The following ZNF248 variants were observed in gnomAD, a reference collection of about 807,000 sequenced individuals.
The protein encoded by ZNF248 is KRAB protein domain.
Under a neutral mutation model 44.3 loss-of-function variants are expected in ZNF248, and 20 were observed. The ratio of observed to expected loss-of-function variants is 0.45; its 90% confidence interval spans 0.32 to 0.66. ZNF248 has a LOEUF of 0.66. ZNF248 is among the 30% of genes least tolerant of loss of function. The probability of loss-of-function intolerance (pLI) is 0.04; values close to 1 mark genes in which losing one functional copy is unlikely to be tolerated. For missense variants in ZNF248, 654 were observed against 677.0 expected, an observed-to-expected ratio of 0.97 and a Z score of 0.38; for synonymous variants, 224 against 229.0, an observed-to-expected ratio of 0.98 and a Z score of 0.20.
In ZNF248 at chr10:37,831,911, GCA is replaced by G. The variant is rs2055764391; in HGVS notation, c.1442_1443del (p.Val481AlafsTer14). 3 of 1,614,054 alleles carry G rather than the reference GCA, an allele frequency of 1.9e-6. No homozygotes were observed. The highest frequency in any genetic ancestry group is 2.5e-6 in the Non-Finnish European group (3 of 1,179,980). On this transcript the variant is annotated frameshift_variant, in exon 6 of 6. Coordinates refer to ENST00000395867, the MANE Select transcript of ZNF248 (RefSeq NM_021045.3). LOFTEE classifies it high-confidence loss of function. ...KSFCHRSALTVHQRTHTGEKP... is the reference protein window; with the variant it reads ...KSFCHRSALTXHQRTHTGEKP... ...TTCTCCCCTGTGTGTGTTCTCTGAT[GCA>G]CAGTGAGGGCTGATCTGTGGCAGAA...
At chr10:37,795,565 T>A (rs2085133354) in intron 6 of ZNF248, 1 of 152,128 alleles carries the variant, frequency 6.6e-6, no homozygotes, top group Admixed American at 6.6e-5. Context: ...ATTCATTAAA[T>A]CCTTAGTGTG....
chr10:37,827,057 T>C (rs1176191724), downstream of ZNF248, among the ~76,000 whole-genome samples: 1 of 152,222 alleles, frequency 6.6e-6, no homozygotes, highest in Non-Finnish European at 1.5e-5. Context: ...TAATGGCAGC[T>C]GGTGCAGACA....
chr10:37,801,448 G>C (rs1366757356), intron 6 of ZNF248, among the ~76,000 whole-genome samples: 2 of 151,634 alleles, frequency 1.3e-5, no homozygotes, highest in African/African-American at 4.8e-5. Flanking sequence ...AAAATCAACA[G>C]ATCAGCCTAG....
chr10:37,787,673 T>G (rs1335416422), intron 6 of ZNF248, among the ~76,000 whole-genome samples: 1 of 151,980 alleles, frequency 6.6e-6, no homozygotes, highest in Non-Finnish European at 1.5e-5. Flanking sequence ...AACTTAGACC[T>G]TTACCTCACA....
At chr10:37,838,335 T>C (rs1041143152) in intron 3 of ZNF248, among the ~76,000 whole-genome samples, 1 of 152,156 alleles carries the variant, frequency 6.6e-6, no homozygotes. Context: ...CAGACAAACA[T>C]GGTCCCTGTT....
At chr10:37,824,848 ATTTTTTTT>A (rs36011714), downstream of ZNF248, among the ~76,000 whole-genome samples, 1 of 115,222 alleles carries the variant, frequency 8.7e-6, no homozygotes, top group Admixed American at 9.1e-5. Context: ...CACCCAGCTG[ATTTTTTTT>A]TTTTTTTTTT....
At chr10:37,776,275 C>A (rs2046581238), downstream of ZNF248, 1 of 288,760 alleles carries the variant, frequency 3.5e-6, no homozygotes, top group African/African-American at 2.2e-5. Context: ...CCCCTTTCCA[C>A]CACTCAGTCC....
At chr10:37,816,135 A>T (rs1014468793) in intron 6 of ZNF248, among the ~76,000 whole-genome samples, 7 of 152,160 alleles carry the variant, frequency 4.6e-5, no homozygotes, top group African/African-American at 1.7e-4. Flanking sequence ...GGAATGGCTC[A>T]GAAATTTTGC....
intron 6 of ZNF248, among the ~76,000 whole-genome samples, chr10:37,789,340 T>A (rs2133039657): frequency 6.6e-6 from 1 of 151,060 alleles, no homozygotes; most frequent in South Asian, 2.1e-4. Flanking sequence ...TGAGCAAAAA[T>A]GCCCTCTACA....
In ZNF248 at chr10:37,830,463, T is replaced by C. The variant is rs900641921; in HGVS notation, c.*1152A>G. ...CCGGTAGTATTTAGAGTAGGACAGA[T>C]TCAGAGGTAGTTAAAAACCTCACGG... On this transcript the variant is annotated 3_prime_UTR_variant, in exon 6 of 6. Transcript: ENST00000395867. 3 of 985,302 alleles carry C rather than the reference T, an allele frequency of 3.0e-6. No homozygotes were observed. The highest frequency in any genetic ancestry group is 3.5e-5 in the African/African-American group (2 of 57,236). 61.0% of individuals were successfully genotyped at this position (985,302 alleles called of 1,614,324 possible). A position where few individuals can be genotyped will look rare whatever the true frequency, so the allele number is the denominator to read the frequency against.
At chr10:37,794,177 C>T (rs1329547649) in intron 6 of ZNF248, 1 of 152,190 alleles carries the variant, frequency 6.6e-6, no homozygotes, top group Non-Finnish European at 1.5e-5. Context: ...AAGACATTTT[C>T]CGCTATGTGT....
chr10:37,840,717 G>C (rs933725481), intron 3 of ZNF248, among the ~76,000 whole-genome samples: 3 of 152,086 alleles, frequency 2.0e-5, no homozygotes, highest in Admixed American at 6.5e-5. Context: ...GGAAGGCAGA[G>C]GTTGCAGTGA....
intron 6 of ZNF248, among the ~76,000 whole-genome samples, chr10:37,789,645 G>A (rs1169250298): frequency 2.0e-5 from 3 of 152,130 alleles, no homozygotes; most frequent in Non-Finnish European, 4.4e-5. Context: ...ACAGCTGATG[G>A]CATTCAGCCT....
chr10:37,843,405 C>T (rs1201969932), intron 3 of ZNF248, among the ~76,000 whole-genome samples: 1 of 134,572 alleles, frequency 7.4e-6, no homozygotes, highest in Non-Finnish European at 1.5e-5. Context: ...AGCCTGGCGA[C>T]AGAGCAAGAC....
At chr10:37,794,413 C>A in intron 6 of ZNF248, 1 of 159,748 alleles carries the variant, frequency 6.3e-6, no homozygotes. Context: ...TCAGTACATT[C>A]ATAGGGTTTC....
intron 4 of ZNF248, 31 bp from the exon 5 acceptor site, chr10:37,837,743 C>T (rs1446767466): frequency 6.3e-7 from 1 of 1,596,262 alleles, no homozygotes. Context: ...AGGACTAGAG[C>T]TAAATAGCTT....
At chr10:37,841,547 C>T (rs2058354159) in intron 3 of ZNF248, among the ~76,000 whole-genome samples, 1 of 151,326 alleles carries the variant, frequency 6.6e-6, no homozygotes, top group Non-Finnish European at 1.5e-5. Context: ...TAAGTAAACA[C>T]AAAAGAACAG....
chr10:37,829,870 C>T lies in ZNF248; in HGVS notation c.*1745G>A, dbSNP rs2055156794. ...CAACAGAATCATTAAAATGGAACTT[C>T]CATGATTAGCTTTGACTAATCTGGA... On this transcript the variant is annotated 3_prime_UTR_variant, in exon 6 of 6. Transcript: ENST00000395867. 1 of 985,264 alleles carries T rather than the reference C, an allele frequency of 1.0e-6. No individual in the cohort carries two copies. Among genetic ancestry groups the T allele is most frequent in the South Asian group, 4.7e-5 (1 of 21,292 alleles). 61.0% of individuals were successfully genotyped at this position (985,264 alleles called of 1,614,324 possible).
intron 6 of ZNF248, chr10:37,820,384 G>C: frequency 6.8e-7 from 1 of 1,478,554 alleles, no homozygotes; most frequent in Admixed American, 1.7e-5. Flanking sequence ...GGTTTTGTTA[G>C]CATTGCTGAC....
Sources: allele counts gnomAD v4.1 joint callset (sites outside exome capture counted in the v4.1 genomes callset), GRCh38; gene constraint gnomAD v4.1.1; transcripts MANE v1.5; gene names NCBI Gene and HGNC (gene_info 2026-07-23, HGNC 2026-07-21).